Variants in RGS6 observed in about 807,000 individuals in gnomAD.
RGS6 encodes regulator of G protein signaling 6.
RGS6 carries 30 observed loss-of-function variants against 78.5 expected under a neutral mutation model. The ratio of observed to expected loss-of-function variants is 0.38; its 90% CI spans 0.29 to 0.52. The LOEUF is 0.52. RGS6 is among the 20% of genes least tolerant of loss of function. RGS6 has a pLI of 0.85. For missense variants in RGS6, 495 were observed against 609.7 expected (o/e 0.81, Z 1.98); for synonymous variants, 206 against 206.0 (o/e 1.00, Z 0.00).
chr14:72,499,457 C>T (rs1265034846), intron 13 of RGS6, among the ~76,000 whole-genome samples: 1 of 152,124 alleles, frequency 6.6e-6, no homozygotes, highest in Non-Finnish European at 1.5e-5. Context: ...GCTCAGAGCT[C>T]GGGGTTTCCC....
At position 72,540,992 on chromosome 14, in the gene RGS6, T is replaced by C. The variant is rs1013458048; in HGVS notation, c.1422+898T>C. ...AGAACAACACAGGCCAATCTCCTCT[T>C]TCCATGCTGGTCGGCCCAAGATTTG... is the stretch of plus-strand genomic sequence containing the variant. On this transcript the variant is annotated intron_variant, in intron 17 of 17. Transcript: ENST00000553525. The C allele has an allele frequency of 2.3e-6, 3 of 1,278,290 alleles. No individual in the cohort carries two copies. In the African/African-American group the frequency reaches 4.6e-5, roughly 19 times the overall value. 79.2% of individuals were successfully genotyped at this position (1,278,290 alleles called of 1,614,324 possible). A position where few individuals can be genotyped will look rare whatever the true frequency, so the allele number is the denominator to read the frequency against.
At chr14:71,934,966 A>G (rs1006960923) in intron 1 of RGS6, among the ~76,000 whole-genome samples, 1 of 152,200 alleles carries the variant, frequency 6.6e-6, no homozygotes, top group Non-Finnish European at 1.5e-5. Flanking sequence ...AGAGATCTCA[A>G]TACCGGGATT....
intron 2 of RGS6, among the ~76,000 whole-genome samples, chr14:72,286,236 AT>A (rs762765938): frequency 2.6e-5 from 4 of 152,142 alleles, no homozygotes; most frequent in Admixed American, 6.5e-5. Context: ...ATAAGTATTC[AT>A]TTTTTGCAGC....
intron 2 of RGS6, among the ~76,000 whole-genome samples, chr14:72,309,146 C>CA (rs2067954242): frequency 6.6e-6 from 1 of 152,156 alleles, no homozygotes; most frequent in African/African-American, 2.4e-5. Context: ...AGAAGCATTT[C>CA]ATGTGGAACC....
chr14:72,188,857 C>T (rs1437895698), intron 2 of RGS6, among the ~76,000 whole-genome samples: 2 of 152,172 alleles, frequency 1.3e-5, no homozygotes, highest in African/African-American at 2.4e-5. Context: ...AGAACTCTCT[C>T]TGAACACTAC....
At chr14:72,394,147 G>A (rs192923587) in intron 3 of RGS6, among the ~76,000 whole-genome samples, 18 of 152,122 alleles carry the variant, frequency 1.2e-4, no homozygotes, top group South Asian at 2.1e-4. Flanking sequence ...TTCCGTAAGC[G>A]TCGGCCGGTC....
intron 2 of RGS6, among the ~76,000 whole-genome samples, chr14:72,062,339 G>A (rs1273560435): frequency 6.6e-6 from 1 of 152,246 alleles, no homozygotes; most frequent in Non-Finnish European, 1.5e-5. Context: ...GATGAAGCCA[G>A]AGACGTGGTC....
At position 72,403,499 on chromosome 14, in the gene RGS6, T is replaced by C. The variant is rs997273669; in HGVS notation, c.185-51029T>C. ...AGGTTGGTTCAAGGTTACAAAATTA[T>C]AGCCAGATCAGAGGAATATGTTCTA... On this transcript the variant is annotated intron_variant, in intron 3 of 17. Transcript: ENST00000553525. Among the ~76,000 whole-genome samples the C allele has an allele frequency of 2.6e-5, 4 of 152,292 alleles. 1 individual carries two copies. The highest frequency in any genetic ancestry group is 6.5e-5 in the Admixed American group (1 of 15,300).
At chr14:72,266,229 G>A (rs2153899689) in intron 2 of RGS6, among the ~76,000 whole-genome samples, 1 of 152,302 alleles carries the variant, frequency 6.6e-6, no homozygotes, top group Admixed American at 6.5e-5. Flanking sequence ...TGGGATGGCT[G>A]GAAGGCATGT....
chr14:72,173,392 T>C (rs1182160626), intron 2 of RGS6, among the ~76,000 whole-genome samples: 1 of 152,172 alleles, frequency 6.6e-6, no homozygotes, highest in Admixed American at 6.5e-5. Context: ...CAACTCCCTT[T>C]CTGCACGACC....
chr14:72,258,097 ACT>A (rs1244053659), intron 2 of RGS6, among the ~76,000 whole-genome samples: 1 of 152,006 alleles, frequency 6.6e-6, no homozygotes, highest in Non-Finnish European at 1.5e-5. Flanking sequence ...ATTTTGGAGC[ACT>A]CTCTGGGGAT....
intron 12 of RGS6, among the ~76,000 whole-genome samples, chr14:72,492,810 T>A (rs2096595769): frequency 6.6e-6 from 1 of 152,130 alleles, no homozygotes; most frequent in Non-Finnish European, 1.5e-5. Context: ...CTCCATTCTG[T>A]TTTTGCAAAT....
Position 72,165,934 on chromosome 14 carries a change from C to G in RGS6, c.85-186161C>G, listed in dbSNP as rs528555398. On this transcript the variant is annotated intron_variant, in intron 2 of 17. Coordinates refer to ENST00000553525, the MANE Select transcript of RGS6 (RefSeq NM_001204424.2). Reference sequence around the variant, plus strand: ...TTCTGTCATACATTCTAGAAAATACCTTTGTATAAAGTACTCATATTACTG... The same window carrying G: ...TTCTGTCATACATTCTAGAAAATACGTTTGTATAAAGTACTCATATTACTG... Among the ~76,000 whole-genome samples, 251 of 152,158 alleles carry G rather than the reference C, an allele frequency of 1.6e-3. 6 individuals are homozygous for G. Among genetic ancestry groups the G allele is most frequent in the Admixed American group, 1.1e-3 (17 of 15,282 alleles).
At chr14:72,571,050 A>G (rs1025655407), downstream of RGS6, among the ~76,000 whole-genome samples, 1 of 152,204 alleles carries the variant, frequency 6.6e-6, no homozygotes, top group Admixed American at 6.5e-5. Context: ...GTGAAAGTCT[A>G]TGAATGCTTA....
the RGS6 span, among the ~76,000 whole-genome samples, chr14:72,577,115 T>C: frequency 1.1e-4 from 17 of 152,208 alleles, no homozygotes; most frequent in African/African-American, 4.1e-4. Flanking sequence ...CAGGGGGCTG[T>C]AACAGGCAGG....
chr14:72,329,085 G>C (rs2074414279), intron 2 of RGS6, among the ~76,000 whole-genome samples: 1 of 152,090 alleles, frequency 6.6e-6, no homozygotes, highest in African/African-American at 2.4e-5. Flanking sequence ...TGTTGGTCAG[G>C]CTGGTCTCAA....
intron 2 of RGS6, among the ~76,000 whole-genome samples, chr14:72,326,942 C>G (rs926029824): frequency 6.6e-6 from 1 of 152,078 alleles, no homozygotes; most frequent in Non-Finnish European, 1.5e-5. Flanking sequence ...CTCCTGACCT[C>G]GTGATCTGCC....
intron 3 of RGS6, among the ~76,000 whole-genome samples, chr14:72,378,260 A>C (rs569702805): frequency 2.0e-5 from 3 of 152,338 alleles, no homozygotes; most frequent in Non-Finnish European, 4.4e-5. Context: ...AAAAACTAAA[A>C]AGATTTCAAA....
chr14:72,104,262 C>A (rs1375212771), intron 2 of RGS6, among the ~76,000 whole-genome samples: 2 of 152,138 alleles, frequency 1.3e-5, no homozygotes, highest in Non-Finnish European at 2.9e-5. Flanking sequence ...CTTTTCCTTT[C>A]CTCTCTGTCA....
Sources: allele counts gnomAD v4.1 joint callset (sites outside exome capture counted in the v4.1 genomes callset), GRCh38; gene constraint gnomAD v4.1.1; transcripts MANE v1.5; gene names NCBI Gene and HGNC (gene_info 2026-07-23, HGNC 2026-07-21).